The following KCNQ1 variants were observed in gnomAD, a reference collection of about 807,000 sequenced individuals.
KCNQ1 encodes the protein potassium voltage-gated channel subfamily Q member 1, also known as potassium voltage-gated channel subfamily KQT member 1.
A neutral mutation model predicts 72.4 loss-of-function variants in KCNQ1; 49 were observed. The observed-to-expected ratio is 0.68, with a 90% CI of 0.54 to 0.86. KCNQ1 has a LOEUF of 0.86. KCNQ1 is among the 40% of genes least tolerant of loss of function. The pLI is 0.00. For synonymous variants in KCNQ1, 450 were observed against 412.6 expected, an observed-to-expected ratio of 1.09 and a Z score of -1.10; for missense variants, 790 against 945.1, an observed-to-expected ratio of 0.84 and a Z score of 2.15.
Position 2,778,026 on chromosome 11 carries a change from G to A in KCNQ1, c.1783G>A (p.Val595Ile). 6.2e-7 allele frequency: 1 copy of A among 1,613,764 alleles called. No individual in the cohort carries two copies. Among genetic ancestry groups the A allele is most frequent in the Non-Finnish European group, 8.5e-7 (1 of 1,180,016 alleles). ...CACGATCGGCGCCCGCCTGAACCGAGTAGAAGACAAGGTAGGCTCACGCGC... is the reference window on the plus strand; with the variant it reads ...CACGATCGGCGCCCGCCTGAACCGAATAGAAGACAAGGTAGGCTCACGCGC... The part of the protein sequence containing the change: ...SNTIGARLNR[V>I]EDKVTQLDQR... The change falls in exon 15 of 16, where the codon GTA becomes ATA. Residue 595 changes from valine (V) to isoleucine (I), a missense_variant. Transcript: ENST00000155840.
At chr11:2,744,464 T>C (rs1311532550) in intron 11 of KCNQ1, among the ~76,000 whole-genome samples, 2 of 152,232 alleles carry the variant, frequency 1.3e-5, no homozygotes, top group Non-Finnish European at 2.9e-5. Flanking sequence ...AGAGCAGGCA[T>C]AGCCAAGACT....
intron 11 of KCNQ1, among the ~76,000 whole-genome samples, chr11:2,719,343 A>C (rs1851163894): frequency 2.0e-5 from 3 of 151,586 alleles, no homozygotes. Flanking sequence ...AAAAAAAAAA[A>C]AAAAGAGCCA....
chr11:2,832,483 G>A (rs1847972524), intron 15 of KCNQ1, among the ~76,000 whole-genome samples: 1 of 152,198 alleles, frequency 6.6e-6, no homozygotes, highest in Non-Finnish European at 1.5e-5. Context: ...GACGGGCTCT[G>A]CGACTCCACA....
intron 2 of KCNQ1, among the ~76,000 whole-genome samples, chr11:2,534,933 G>A (rs935223529): frequency 6.6e-6 from 1 of 152,238 alleles, no homozygotes; most frequent in Non-Finnish European, 1.5e-5. Context: ...CCTCACTGCA[G>A]GGCCCTGTGT....
At position 2,453,569 on chromosome 11, in the gene KCNQ1, C is replaced by T. The variant is rs118034442; in HGVS notation, c.386+8085C>T. 2.5e-4 allele frequency among the ~76,000 whole-genome samples: 38 copies of T among 152,312 alleles called. No individual in the cohort carries two copies. The East Asian group carries it at 5.4e-3, about 22-fold the overall frequency. ...GGACCTTGAACATGTGAGAAGGTGC[C>T]GCCTTCACTCCTGGCGAGAGGGGTG... On this transcript the variant is annotated intron_variant, in intron 1 of 15. Coordinates refer to ENST00000155840, the MANE Select transcript of KCNQ1 (RefSeq NM_000218.3).
intron 15 of KCNQ1, among the ~76,000 whole-genome samples, chr11:2,801,089 G>A (rs1010914553): frequency 1.3e-5 from 2 of 152,162 alleles, no homozygotes; most frequent in East Asian, 3.9e-4. Flanking sequence ...TGGCTCCTGG[G>A]GTGCTGGTGG....
chr11:2,601,527 G>A lies in KCNQ1; in HGVS notation c.1393+12673G>A, dbSNP rs185420694. 3.0e-3 allele frequency among the ~76,000 whole-genome samples: 462 copies of A among 152,196 alleles called. 3 individuals are homozygous for A. The highest frequency in any genetic ancestry group is 0.011 in the African/African-American group (443 of 41,512). On this transcript the variant is annotated intron_variant, in intron 10 of 15. Transcript: ENST00000155840. The surrounding 1 kb of genome is among the most constrained non-coding windows in gnomAD (Gnocchi z 5.2). ...AAGAGTCCAGATGCAGAGTGCTCCCGTCGCCACGGGGTTCCCATTATTTGT... is the reference window on the plus strand; with the variant it reads ...AAGAGTCCAGATGCAGAGTGCTCCCATCGCCACGGGGTTCCCATTATTTGT...
chr11:2,445,021 A>T lies in KCNQ1; in HGVS notation c.-78A>T. The T allele has an allele frequency of 1.0e-6, 1 of 968,590 alleles. No homozygotes were observed. Among genetic ancestry groups the T allele is most frequent in the Non-Finnish European group, 1.2e-6 (1 of 807,952 alleles). 60.0% of individuals were successfully genotyped at this position (968,590 alleles called of 1,614,324 possible). On this transcript the variant is annotated 5_prime_UTR_variant, in exon 1 of 16. Coordinates refer to ENST00000155840, the MANE Select transcript of KCNQ1 (RefSeq NM_000218.3). ...GGGGCTGGCAGCAGTGGCTGCCCGCACTGCGCCCGGGCGCTCGCCTTCGCT... is the reference window on the plus strand; with the variant it reads ...GGGGCTGGCAGCAGTGGCTGCCCGCTCTGCGCCCGGGCGCTCGCCTTCGCT...
At chr11:2,681,897 C>T (rs544002737) in intron 11 of KCNQ1, 76 of 398,588 alleles carry the variant, frequency 1.9e-4, no homozygotes, top group African/African-American at 1.5e-3. Context: ...AGAAAACACA[C>T]CGGCCATAAT....
rs113792168 is a variant in KCNQ1 at position 2,626,024 on chromosome 11, A to G, written c.1394-35937A>G. ...TGCTTAGTTGATATTATTTTAATGC[A>G]CACAATGTAAATTTTTAAAATTTAT... On this transcript the variant is annotated intron_variant, in intron 10 of 15. Coordinates refer to ENST00000155840, the MANE Select transcript of KCNQ1 (RefSeq NM_000218.3). This position sits in a 1 kb window ranked among gnomAD's most constrained non-coding sequence, Gnocchi z 4.0. 2.5e-6 allele frequency: 1 copy of G among 398,620 alleles called. No individual in the cohort carries two copies. Among genetic ancestry groups the G allele is most frequent in the African/African-American group, 2.1e-5 (1 of 48,762 alleles). 24.7% of individuals were successfully genotyped at this position (398,620 alleles called of 1,614,324 possible).
intron 1 of KCNQ1, among the ~76,000 whole-genome samples, chr11:2,496,205 G>T (rs1391494555): frequency 2.0e-5 from 3 of 152,000 alleles, no homozygotes; most frequent in African/African-American, 4.8e-5. Context: ...GGGAGGCTGA[G>T]GTGGTTGGAT....
intron 1 of KCNQ1, among the ~76,000 whole-genome samples, chr11:2,514,241 C>T (rs531360910): frequency 3.7e-4 from 57 of 152,362 alleles, no homozygotes; most frequent in African/African-American, 1.3e-3. Flanking sequence ...CACTGGCTGC[C>T]TCCCAGCTCA....
At chr11:2,839,721 AAAG>A (rs1848162446) in intron 15 of KCNQ1, 1 of 152,050 alleles carries the variant, frequency 6.6e-6, no homozygotes, top group East Asian at 1.9e-4. Flanking sequence ...CTCAGAGTAC[AAAG>A]AAGAGGCCTT....
rs1231216763 is a variant in KCNQ1, at chr11:2,827,225, C to G, written c.1795-20542C>G. Among the ~76,000 whole-genome samples the G allele has an allele frequency of 1.3e-5, 2 of 152,118 alleles. No homozygotes were observed. The highest frequency in any genetic ancestry group is 4.8e-5 in the African/African-American group (2 of 41,412). On this transcript the variant is annotated intron_variant, in intron 15 of 15. Transcript: ENST00000155840. This position sits in a 1 kb window ranked among gnomAD's most constrained non-coding sequence, Gnocchi z 6.7. ...GTTCAGCTGCTGCTGAGACAGTGAC[C>G]CTGGGGACAGCCCAAATAAGAGAGA...
At position 2,493,288 on chromosome 11, in the gene KCNQ1, C is replaced by T. The variant is rs1846863702; in HGVS notation, c.387-34640C>T. ...TGGATAGATTGCAAATATTTTCTCC[C>T]ATTCTGTAGGTTGCCTATTCACTCT... On this transcript the variant is annotated intron_variant, in intron 1 of 15. Coordinates refer to ENST00000155840, the MANE Select transcript of KCNQ1 (RefSeq NM_000218.3). The surrounding 1 kb of genome is among the most constrained non-coding windows in gnomAD (Gnocchi z 5.3). Among the ~76,000 whole-genome samples, 1 of 152,066 alleles carries T rather than the reference C, an allele frequency of 6.6e-6. No homozygotes were observed. The highest frequency in any genetic ancestry group is 1.5e-5 in the Non-Finnish European group (1 of 68,018).
chr11:2,455,157 A>G (rs941697500), intron 1 of KCNQ1, among the ~76,000 whole-genome samples: 2 of 150,244 alleles, frequency 1.3e-5, no homozygotes, highest in South Asian at 2.1e-4. Context: ...GAGTGCAGTG[A>G]TGAGATCTTG....
intron 15 of KCNQ1, among the ~76,000 whole-genome samples, chr11:2,778,358 C>T (rs1846751335): frequency 2.0e-5 from 3 of 152,258 alleles, no homozygotes; most frequent in Admixed American, 1.3e-4. Flanking sequence ...TTGTGCTCTG[C>T]GAGCCTCCTG....
chr11:2,551,737 G>A (rs909782545), intron 2 of KCNQ1, among the ~76,000 whole-genome samples: 7 of 152,182 alleles, frequency 4.6e-5, no homozygotes, highest in Admixed American at 3.9e-4. Flanking sequence ...GAGCATTCTG[G>A]CTCCTATGGA....
intron 15 of KCNQ1, among the ~76,000 whole-genome samples, chr11:2,833,144 A>G (rs1847986531): frequency 6.6e-6 from 1 of 152,124 alleles, no homozygotes; most frequent in Admixed American, 6.5e-5. Flanking sequence ...CATGCTGGGT[A>G]GGGGTGCCTG....
Sources: gnomAD v4.1 joint callset for allele counts (sites outside exome capture counted in the v4.1 genomes callset) on GRCh38, gnomAD v4.1.1 for gene constraint, Gnocchi (gnomAD v3.1) non-coding constraint, MANE v1.5 for transcripts, NCBI Gene and HGNC (gene_info 2026-07-23, HGNC 2026-07-21) for gene names.